ENOX2: variants seen among roughly 807,000 people sequenced by gnomAD.
ENOX2 encodes the protein APK1 antigen.
In ENOX2, 36 loss-of-function variants were observed where a neutral mutation model predicts 45.0. The observed-to-expected ratio is 0.80, with a 90% confidence interval of 0.61 to 1.06. The LOEUF (loss-of-function observed/expected upper bound fraction) is 1.06. Ranked by LOEUF, ENOX2 falls within the 50% of genes least tolerant of loss-of-function variation. The probability of loss-of-function intolerance (pLI) is 0.00; values close to 1 mark genes in which losing one functional copy is unlikely to be tolerated. For missense variants in ENOX2, 423 were observed against 462.5 expected, an observed-to-expected ratio of 0.91 and a Z score of 0.78; for synonymous variants, 174 against 152.3, an observed-to-expected ratio of 1.14 and a Z score of -1.05.
intron 3 of ENOX2, among the ~76,000 whole-genome samples, chrX:130,772,766 G>A (rs977201683): frequency 8.9e-6 from 1 of 111,836 alleles, no homozygotes; most frequent in Non-Finnish European, 1.9e-5. Context: ...TCCTCCCCAC[G>A]AAGCTTCCTT....
At chrX:130,857,994 T>TA (rs896875441) in intron 2 of ENOX2, among the ~76,000 whole-genome samples, 2 of 111,323 alleles carry the variant, frequency 1.8e-5, no homozygotes, top group African/African-American at 6.5e-5. Flanking sequence ...CTCCCAGAAA[T>TA]ACTACTACGC....
chrX:130,671,144 T>C (rs970863369), intron 6 of ENOX2, among the ~76,000 whole-genome samples: 1 of 112,010 alleles, frequency 8.9e-6, no homozygotes, highest in African/African-American at 3.2e-5. Flanking sequence ...TTAGACTCTG[T>C]GCTTTCCTTT....
intron 4 of ENOX2, among the ~76,000 whole-genome samples, chrX:130,698,369 C>T (rs1286149123): frequency 9.2e-6 from 1 of 109,253 alleles, no homozygotes; most frequent in African/African-American, 3.3e-5. Flanking sequence ...CAACAGCTAA[C>T]TGCCAGCTGT....
intron 10 of ENOX2, among the ~76,000 whole-genome samples, chrX:130,638,210 A>T (rs2035984874): frequency 9.2e-6 from 1 of 108,900 alleles, no homozygotes; most frequent in Admixed American, 9.8e-5. Flanking sequence ...CCGGGACTAC[A>T]GGCGGCCACA....
chrX:130,756,961 A>T (rs2039368858), intron 3 of ENOX2, among the ~76,000 whole-genome samples: 1 of 112,563 alleles, frequency 8.9e-6, no homozygotes, highest in African/African-American at 3.2e-5. Flanking sequence ...TGTACCCTGT[A>T]CTGTGGTAAA....
At chrX:130,802,396 C>A (rs775780502) in intron 2 of ENOX2, among the ~76,000 whole-genome samples, 1 of 111,818 alleles carries the variant, frequency 8.9e-6, no homozygotes, top group African/African-American at 3.2e-5. Context: ...ATGAAGCAGC[C>A]GCGAAAGAAG....
chrX:130,809,424 A>G (rs2077357065), intron 2 of ENOX2, among the ~76,000 whole-genome samples: 1 of 112,235 alleles, frequency 8.9e-6, no homozygotes, highest in Admixed American at 9.4e-5. Flanking sequence ...TGTCACTACT[A>G]TAGTACTGGA....
chrX:130,833,949 G>A (rs768965102), intron 2 of ENOX2, among the ~76,000 whole-genome samples: 1 of 111,480 alleles, frequency 9.0e-6, no homozygotes, highest in Non-Finnish European at 1.9e-5. Flanking sequence ...GCCAGAAATT[G>A]CTCTTGGTGC....
At chrX:130,796,523 G>GA (rs1327303839) in intron 2 of ENOX2, among the ~76,000 whole-genome samples, 3 of 111,924 alleles carry the variant, frequency 2.7e-5, no homozygotes, top group Non-Finnish European at 5.6e-5. Context: ...AATTCATTCA[G>GA]AAAAAAAGTA....
At chrX:130,817,598 G>A (rs2077512922) in intron 2 of ENOX2, among the ~76,000 whole-genome samples, 1 of 112,234 alleles carries the variant, frequency 8.9e-6, no homozygotes, top group Non-Finnish European at 1.9e-5. Context: ...TCCTTGGGAT[G>A]CAAGGCTGAT....
chrX:130,676,116 A>G (rs1047110952), intron 6 of ENOX2, among the ~76,000 whole-genome samples: 1 of 111,694 alleles, frequency 9.0e-6, no homozygotes, highest in Non-Finnish European at 1.9e-5. Context: ...GGGGCTACCA[A>G]TGATTACCTT....
intron 3 of ENOX2, among the ~76,000 whole-genome samples, chrX:130,725,478 A>G (rs890402475): frequency 9.2e-6 from 1 of 108,694 alleles, no homozygotes; most frequent in Non-Finnish European, 1.9e-5. Context: ...TTTAACAATC[A>G]TTTTTTTATT....
intron 5 of ENOX2, among the ~76,000 whole-genome samples, chrX:130,680,806 T>C (rs932089545): frequency 8.9e-6 from 1 of 112,633 alleles, no homozygotes; most frequent in East Asian, 2.8e-4. Flanking sequence ...CAAAAATAAA[T>C]GAGTCATGTT....
At chrX:130,773,425 T>A (rs991797290) in intron 3 of ENOX2, among the ~76,000 whole-genome samples, 1 of 112,388 alleles carries the variant, frequency 8.9e-6, no homozygotes, top group South Asian at 3.7e-4. Context: ...CTCAGGTTTT[T>A]AAAAAATCTG....
Position 130,637,352 on chromosome X carries a change from G to C in ENOX2, c.1188C>G (p.Leu396=). The change falls in exon 11 of 15, where the codon CTC becomes CTG. Residue 396 remains leucine (L), a synonymous_variant. Transcript: ENST00000394363. ...GTTCTACTTCATTCCGGTAGGCATC[G>C]AGCTGCCAACGGAGGCTGTCATTTT... ...KEENDSLRWQ[L]DAYRNEVELL... is the part of the protein sequence containing the mutation. 8.3e-7 allele frequency: 1 copy of C among 1,210,138 alleles called. No individual in the cohort carries two copies. The highest frequency in any genetic ancestry group is 1.1e-6 in the Non-Finnish European group (1 of 894,090).
At chrX:130,648,270 C>G (rs1402153038) in intron 10 of ENOX2, among the ~76,000 whole-genome samples, 1 of 109,809 alleles carries the variant, frequency 9.1e-6, no homozygotes, top group Non-Finnish European at 1.9e-5. Context: ...AGAAACCTGT[C>G]TCTACTAAAA....
At chrX:130,806,741 T>C (rs930641614) in intron 2 of ENOX2, among the ~76,000 whole-genome samples, 1 of 112,370 alleles carries the variant, frequency 8.9e-6, no homozygotes, top group Non-Finnish European at 1.9e-5. Flanking sequence ...CAACACCAAA[T>C]AGCACTCTAC....
intron 3 of ENOX2, among the ~76,000 whole-genome samples, chrX:130,717,124 A>C (rs2038351152): frequency 8.9e-6 from 1 of 112,253 alleles, no homozygotes; most frequent in Admixed American, 9.4e-5. Context: ...TCAGGCTGGG[A>C]GTATTTGCTT....
intron 4 of ENOX2, among the ~76,000 whole-genome samples, chrX:130,694,232 G>C (rs924301938): frequency 6.2e-5 from 7 of 112,273 alleles, no homozygotes; most frequent in African/African-American, 2.3e-4. Context: ...AGTGGAATGT[G>C]ATTGGTTAAT....
Sources: allele counts gnomAD v4.1 joint callset (sites outside exome capture counted in the v4.1 genomes callset), GRCh38; gene constraint gnomAD v4.1.1; transcripts MANE v1.5; gene names NCBI Gene and HGNC (gene_info 2026-07-23, HGNC 2026-07-21).